Variants in PTPRO observed in about 807,000 individuals in gnomAD.
The protein encoded by PTPRO is protein tyrosine phosphatase receptor type O, also known as receptor-type tyrosine-protein phosphatase O.
Under a neutral mutation model 145.2 loss-of-function variants are expected in PTPRO, and 62 were observed. The observed-to-expected ratio is 0.43, with a 90% confidence interval of 0.35 to 0.53. The LOEUF is 0.53. Ranked by LOEUF, PTPRO falls within the 20% of genes least tolerant of loss-of-function variation. PTPRO has a pLI of 0.01. For synonymous variants in PTPRO, 565 were observed against 514.7 expected (o/e 1.10, Z -1.32); for missense variants, 1,345 against 1,482.7 (o/e 0.91, Z 1.53).
chr12:15,447,171 T>G (rs1283185882), intron 1 of PTPRO, among the ~76,000 whole-genome samples: 2 of 152,098 alleles, frequency 1.3e-5, no homozygotes, highest in Admixed American at 1.3e-4. Context: ...ACACAACTAT[T>G]ATGACAAGTG....
chr12:15,437,404 A>T (rs1940628393), intron 1 of PTPRO, among the ~76,000 whole-genome samples: 1 of 150,046 alleles, frequency 6.7e-6, no homozygotes, highest in Non-Finnish European at 1.5e-5. Context: ...GCTCACCAGG[A>T]CCACCAAGAC....
intron 19 of PTPRO, among the ~76,000 whole-genome samples, chr12:15,574,646 A>G (rs1944139033): frequency 6.6e-6 from 1 of 152,144 alleles, no homozygotes; most frequent in African/African-American, 2.4e-5. Flanking sequence ...CCTTATGGAC[A>G]CGTAATCTAG....
chr12:15,374,124 G>C (rs1332251843), intron 1 of PTPRO, among the ~76,000 whole-genome samples: 1 of 152,122 alleles, frequency 6.6e-6, no homozygotes, highest in Non-Finnish European at 1.5e-5. Flanking sequence ...TTATTACCTA[G>C]TTTTAGAATG....
At chr12:15,460,514 T>C (rs938501938) in intron 1 of PTPRO, among the ~76,000 whole-genome samples, 3 of 152,232 alleles carry the variant, frequency 2.0e-5, no homozygotes, top group African/African-American at 7.2e-5. Context: ...AGAGTCTTCA[T>C]TGCCTGTTAG....
chr12:15,509,897 G>C (rs747291930), intron 7 of PTPRO, among the ~76,000 whole-genome samples: 4 of 152,016 alleles, frequency 2.6e-5, no homozygotes, highest in Non-Finnish European at 4.4e-5. Flanking sequence ...CTGTGCAACT[G>C]GAGCCCAGAG....
At chr12:15,419,208 C>T (rs990205623) in intron 1 of PTPRO, among the ~76,000 whole-genome samples, 1 of 142,698 alleles carries the variant, frequency 7.0e-6, no homozygotes, top group Non-Finnish European at 1.5e-5. Flanking sequence ...GCATTTGTGC[C>T]GACAAGTCCA....
intron 1 of PTPRO, among the ~76,000 whole-genome samples, chr12:15,393,360 C>A (rs1244491209): frequency 6.6e-6 from 1 of 152,258 alleles, no homozygotes; most frequent in East Asian, 1.9e-4. Flanking sequence ...GGAGTTTTCC[C>A]ACCTGTTTGT....
intron 1 of PTPRO, among the ~76,000 whole-genome samples, chr12:15,457,969 T>G (rs1201764719): frequency 6.6e-6 from 1 of 152,198 alleles, no homozygotes; most frequent in African/African-American, 2.4e-5. Context: ...TCCCTTTCCT[T>G]TTGTTCTGTC....
At chr12:15,492,480 G>A (rs1365566612) in intron 2 of PTPRO, among the ~76,000 whole-genome samples, 1 of 152,046 alleles carries the variant, frequency 6.6e-6, no homozygotes, top group Non-Finnish European at 1.5e-5. Flanking sequence ...GGCTGAGGCA[G>A]GAGGATCCCT....
chr12:15,523,781 A>C (rs143767922), intron 10 of PTPRO, among the ~76,000 whole-genome samples: 3 of 152,152 alleles, frequency 2.0e-5, no homozygotes, highest in African/African-American at 7.2e-5. Flanking sequence ...CCTCAAAAGT[A>C]AAAATAAAAT....
chr12:15,585,856 G>A (rs1944420455), intron 23 of PTPRO, among the ~76,000 whole-genome samples: 1 of 152,170 alleles, frequency 6.6e-6, no homozygotes, highest in Non-Finnish European at 1.5e-5. Flanking sequence ...ACTAAAAAGA[G>A]TTGATCTGGA....
chr12:15,551,612 A>G lies in PTPRO; in HGVS notation c.2499A>G (p.Leu833=). 1 of 1,613,566 alleles carries G rather than the reference A, an allele frequency of 6.2e-7. No homozygotes were observed. Among genetic ancestry groups the G allele is most frequent in the South Asian group, 1.1e-5 (1 of 91,068 alleles). Residue 833 remains leucine (L), a synonymous_variant, in exon 15 of 27, where the codon TTA becomes TTG. Transcript: ENST00000281171. ...ISVLAILSTL[L]IGLLLVTLII... is the part of the protein sequence containing the mutation. ...TGCTGGCCATCCTTAGCACACTTTTAATTGGACTGTTGCTTGTTACCCTCA... is the reference window on the plus strand; with the variant it reads ...TGCTGGCCATCCTTAGCACACTTTTGATTGGACTGTTGCTTGTTACCCTCA...
intron 1 of PTPRO, among the ~76,000 whole-genome samples, chr12:15,340,441 C>G (rs553042037): frequency 2.3e-4 from 35 of 152,210 alleles, no homozygotes; most frequent in Non-Finnish European, 4.7e-4. Flanking sequence ...CTGGAGACAG[C>G]TGATTCCTGC....
chr12:15,442,973 A>C (rs567943684), intron 1 of PTPRO, among the ~76,000 whole-genome samples: 10 of 152,244 alleles, frequency 6.6e-5, no homozygotes, highest in African/African-American at 2.4e-4. Context: ...AAAAAAAACT[A>C]TTCTAAAATT....
At chr12:15,367,097 G>A (rs1938385002) in intron 1 of PTPRO, among the ~76,000 whole-genome samples, 1 of 152,298 alleles carries the variant, frequency 6.6e-6, no homozygotes, top group South Asian at 2.1e-4. Context: ...CACAGCTACA[G>A]TTAATACATA....
chr12:15,369,341 A>C (rs77054666), intron 1 of PTPRO, among the ~76,000 whole-genome samples: 3,690 of 152,254 alleles, frequency 0.024, 152 homozygotes, highest in African/African-American at 0.084. Context: ...TAGGGTCTTC[A>C]ACCAGTTTCT....
At chr12:15,459,516 A>T (rs977625903) in intron 1 of PTPRO, among the ~76,000 whole-genome samples, 1 of 152,218 alleles carries the variant, frequency 6.6e-6, no homozygotes, top group African/African-American at 2.4e-5. Context: ...TGGTTAGAGG[A>T]TGTCTCAAAG....
chr12:15,520,203 A>G lies in PTPRO; in HGVS notation c.1782A>G (p.Arg594=). ...CCTTGCTTGCTTTTCTCATTCAGAG[A>G]ATAGCTAATCTGCTGCCAGCATGGT... ...AATVSLTASV[R]IANLLPAWYY... The change falls in exon 10 of 27, where the codon AGA becomes AGG. Residue 594 remains arginine, a splice_region_variant and synonymous_variant. Transcript: ENST00000281171. 1 of 1,611,992 alleles carries G rather than the reference A, an allele frequency of 6.2e-7. No individual in the cohort carries two copies. Among genetic ancestry groups the G allele is most frequent in the Non-Finnish European group, 8.5e-7 (1 of 1,178,100 alleles).
At chr12:15,514,082 TA>T (rs1299358399) in intron 7 of PTPRO, among the ~76,000 whole-genome samples, 1 of 152,214 alleles carries the variant, frequency 6.6e-6, no homozygotes, top group Non-Finnish European at 1.5e-5. Flanking sequence ...TCAAATTTAA[TA>T]AATGCATTTT....
Sources: gnomAD v4.1 joint callset for allele counts (sites outside exome capture counted in the v4.1 genomes callset) on GRCh38, gnomAD v4.1.1 for gene constraint, MANE v1.5 for transcripts, NCBI Gene and HGNC (gene_info 2026-07-23, HGNC 2026-07-21) for gene names.